The following NECAB1 variants were observed in gnomAD, a reference collection of about 807,000 sequenced individuals.
NECAB1 encodes the protein N-terminal EF-hand calcium-binding protein 1.
In NECAB1, 29 loss-of-function variants were observed where a neutral mutation model predicts 57.5. The ratio of observed to expected loss-of-function variants is 0.50; its 90% CI spans 0.38 to 0.69. NECAB1 has a LOEUF of 0.69. Ranked by LOEUF, NECAB1 falls within the 30% of genes least tolerant of loss-of-function variation. The probability of loss-of-function intolerance (pLI) is 0.00; values close to 1 mark genes in which losing one functional copy is unlikely to be tolerated. For synonymous variants in NECAB1, 142 were observed against 147.7 expected (o/e 0.96, Z 0.28); for missense variants, 372 against 413.8 (o/e 0.90, Z 0.88).
rs1586122200 is a variant in NECAB1, at chr8:90,917,572, C to T, written c.438C>T (p.Leu146=). 1.9e-6 allele frequency: 3 copies of T among 1,611,672 alleles called. No homozygotes were observed. Among genetic ancestry groups the T allele is most frequent in the Non-Finnish European group, 1.7e-6 (2 of 1,178,730 alleles). Residue 146 remains leucine, a synonymous_variant, in exon 6 of 13, where the codon CTC becomes CTT. Transcript: ENST00000417640. ...LKETLNQLQS[L]QNSLECAMET... ...AAACCCTGAATCAGCTGCAGTCTCT[C>T]CAGAATTCCCTGGAATGTGCCATGG...
chr8:90,925,250 G>A (rs777504351), intron 6 of NECAB1, among the ~76,000 whole-genome samples: 3 of 151,278 alleles, frequency 2.0e-5, no homozygotes, highest in South Asian at 2.1e-4. Flanking sequence ...CTGCATACAC[G>A]TTTTTCCACT....
intron 5 of NECAB1, among the ~76,000 whole-genome samples, chr8:90,908,690 T>G (rs895343354): frequency 6.6e-6 from 1 of 152,172 alleles, no homozygotes; most frequent in Admixed American, 6.5e-5. Flanking sequence ...TAGAACTTCA[T>G]GATCATAAGG....
chr8:90,901,251 A>G (rs1221071775), intron 5 of NECAB1, among the ~76,000 whole-genome samples: 1 of 151,216 alleles, frequency 6.6e-6, no homozygotes, highest in Non-Finnish European at 1.5e-5. Context: ...AAAAAAAAAA[A>G]TGGTGTTTAT....
chr8:90,913,810 G>C (rs1253346681), intron 5 of NECAB1, among the ~76,000 whole-genome samples: 1 of 152,214 alleles, frequency 6.6e-6, no homozygotes, highest in Non-Finnish European at 1.5e-5. Context: ...GATTGGATCT[G>C]TGCCACCCGG....
chr8:90,834,884 C>A (rs149788568), intron 3 of NECAB1, among the ~76,000 whole-genome samples: 5 of 152,180 alleles, frequency 3.3e-5, no homozygotes, highest in African/African-American at 1.2e-4. Context: ...ATACTATCCC[C>A]CATAACCAAT....
chr8:90,914,434 T>C (rs1809904023), intron 5 of NECAB1, among the ~76,000 whole-genome samples: 1 of 152,140 alleles, frequency 6.6e-6, no homozygotes, highest in Admixed American at 6.5e-5. Context: ...GTAGGAATAT[T>C]AGAAAACAAG....
At chr8:90,941,308 T>C (rs1348271251) in intron 10 of NECAB1, among the ~76,000 whole-genome samples, 1 of 152,208 alleles carries the variant, frequency 6.6e-6, no homozygotes, top group East Asian at 1.9e-4. Flanking sequence ...CAGTACGCCC[T>C]GTGGCCTAAT....
chr8:90,919,872 C>T (rs953092805), intron 6 of NECAB1, among the ~76,000 whole-genome samples: 12 of 152,114 alleles, frequency 7.9e-5, no homozygotes, highest in Admixed American at 2.0e-4. Flanking sequence ...TCTTCACCTG[C>T]GCTTTTGTTT....
intron 4 of NECAB1, among the ~76,000 whole-genome samples, chr8:90,880,473 T>C (rs565429515): frequency 2.6e-5 from 4 of 152,190 alleles, no homozygotes; most frequent in Admixed American, 2.6e-4. Context: ...CACTATATTA[T>C]TTATTCCTAG....
chr8:90,878,446 C>A (rs1808769924), intron 4 of NECAB1, among the ~76,000 whole-genome samples: 1 of 152,100 alleles, frequency 6.6e-6, no homozygotes, highest in African/African-American at 2.4e-5. Flanking sequence ...CATCTAACTT[C>A]CCTCTTTGAG....
intron 9 of NECAB1, among the ~76,000 whole-genome samples, chr8:90,938,544 T>C (rs1425114980): frequency 6.6e-6 from 1 of 152,196 alleles, no homozygotes; most frequent in Admixed American, 6.5e-5. Flanking sequence ...TAAGCGTTTT[T>C]TTGGATTTCA....
chr8:90,865,976 TG>T (rs1471682417), intron 3 of NECAB1, among the ~76,000 whole-genome samples: 1 of 152,224 alleles, frequency 6.6e-6, no homozygotes, highest in Non-Finnish European at 1.5e-5. Context: ...CAGTCTTTAC[TG>T]TCCCTTTGCT....
chr8:90,924,594 C>T (rs1168469591), intron 6 of NECAB1, among the ~76,000 whole-genome samples: 1 of 152,176 alleles, frequency 6.6e-6, no homozygotes, highest in Non-Finnish European at 1.5e-5. Context: ...ATCATAGACA[C>T]TCTTTCTTTT....
At chr8:90,948,698 C>A (rs1042725202) in intron 10 of NECAB1, among the ~76,000 whole-genome samples, 1 of 152,150 alleles carries the variant, frequency 6.6e-6, no homozygotes. Context: ...TTGTCTCCCA[C>A]TCTTAAGTTT....
chr8:90,861,727 AT>A (rs1298973982), intron 3 of NECAB1, among the ~76,000 whole-genome samples: 3 of 152,184 alleles, frequency 2.0e-5, no homozygotes, highest in African/African-American at 4.8e-5. Flanking sequence ...TGTGAAAAAA[AT>A]ATTATTAACC....
rs1362267201 is a variant in NECAB1 at position 90,956,768 on chromosome 8, A to G, written c.*1256A>G. The G allele has an allele frequency of 2.0e-5, 3 of 152,380 alleles. No homozygotes were observed. Among genetic ancestry groups the G allele is most frequent in the Non-Finnish European group, 4.4e-5 (3 of 67,920 alleles). The allele number at this position is 152,380 out of a possible 1,614,324, so 9.4% of individuals were successfully genotyped here. ...AGGAAGATTGAACTAATAAAATTTTATTTCTTAAATATAAATTTGACCTAA... is the reference window on the plus strand; with the variant it reads ...AGGAAGATTGAACTAATAAAATTTTGTTTCTTAAATATAAATTTGACCTAA... On this transcript the variant is annotated 3_prime_UTR_variant, in exon 13 of 13. Transcript: ENST00000417640.
intron 5 of NECAB1, among the ~76,000 whole-genome samples, chr8:90,899,146 GT>G (rs769462017): frequency 1.8e-4 from 28 of 152,228 alleles, no homozygotes; most frequent in Non-Finnish European, 3.2e-4. Flanking sequence ...CATAAGAGGA[GT>G]CCCCCCTGAC....
At chr8:90,912,448 G>GT (rs1401126521) in intron 5 of NECAB1, among the ~76,000 whole-genome samples, 2 of 152,080 alleles carry the variant, frequency 1.3e-5, no homozygotes, top group Non-Finnish European at 2.9e-5. Context: ...AGAATATCTG[G>GT]TTAAGATAGG....
chr8:90,946,053 A>G (rs1165466137), intron 10 of NECAB1, among the ~76,000 whole-genome samples: 1 of 152,234 alleles, frequency 6.6e-6, no homozygotes, highest in Non-Finnish European at 1.5e-5. Flanking sequence ...CTTTCTAAAA[A>G]TTATTTCACA....
Sources: allele counts gnomAD v4.1 joint callset (sites outside exome capture counted in the v4.1 genomes callset), GRCh38; gene constraint gnomAD v4.1.1; transcripts MANE v1.5; gene names NCBI Gene and HGNC (gene_info 2026-07-23, HGNC 2026-07-21).